LY96: variants seen among roughly 807,000 people sequenced by gnomAD.
LY96 encodes the protein lymphocyte antigen 96.
LY96 carries 18 observed loss-of-function variants against 18.9 expected under a neutral mutation model. The ratio of observed to expected loss-of-function variants is 0.95; its 90% CI spans 0.66 to 1.41. LY96 has a LOEUF of 1.41. LY96 is among the 40% of genes most tolerant of loss of function. LY96 has a pLI of 0.00. For synonymous variants in LY96, 66 were observed against 62.6 expected (o/e 1.06, Z -0.26); for missense variants, 175 against 182.4 (o/e 0.96, Z 0.23).
chr8:74,070,098 C>CTTT, the LY96 span, among the ~76,000 whole-genome samples: 160 of 145,804 alleles, frequency 1.1e-3, no homozygotes, highest in African/African-American at 3.6e-3. Context: ...AATTTTCTTT[C>CTTT]TTTTTTTTTT....
chr8:74,051,655 C>T, the LY96 span, among the ~76,000 whole-genome samples: 1 of 152,140 alleles, frequency 6.6e-6, no homozygotes, highest in African/African-American at 2.4e-5. Flanking sequence ...GAGGGTGGAG[C>T]CTTTATGAAT....
intron 3 of LY96, among the ~76,000 whole-genome samples, chr8:74,011,134 G>A (rs983718527): frequency 1.3e-5 from 2 of 152,124 alleles, no homozygotes; most frequent in Non-Finnish European, 2.9e-5. Flanking sequence ...TTGAATGGTA[G>A]GATCTCCTTC....
At chr8:74,080,996 T>C in the LY96 span, among the ~76,000 whole-genome samples, 27 of 103,744 alleles carry the variant, frequency 2.6e-4, no homozygotes, top group Admixed American at 1.6e-3. Flanking sequence ...CTTTCTTTCT[T>C]TCTTTCTTTC....
At chr8:74,088,719 G>T in the LY96 span, among the ~76,000 whole-genome samples, 1 of 152,148 alleles carries the variant, frequency 6.6e-6, no homozygotes, top group Admixed American at 6.5e-5. Flanking sequence ...CCAAGTAGCT[G>T]GGATTACAGG....
At chr8:74,081,122 T>TTTCTTTCTTTCTTTCC in the LY96 span, among the ~76,000 whole-genome samples, 332 of 124,252 alleles carry the variant, frequency 2.7e-3, 15 homozygotes, top group Admixed American at 0.014. Flanking sequence ...TCTTTCTTTC[T>TTTCTTTCTTTCTTTCC]TTCCTTCCTT....
the LY96 span, among the ~76,000 whole-genome samples, chr8:74,060,785 T>C: frequency 6.6e-6 from 1 of 152,226 alleles, no homozygotes; most frequent in Non-Finnish European, 1.5e-5. Flanking sequence ...CCTAGGAGAT[T>C]ATGTTTCCTC....
At chr8:73,998,906 T>C (rs567042618) in intron 1 of LY96, among the ~76,000 whole-genome samples, 1 of 152,342 alleles carries the variant, frequency 6.6e-6, no homozygotes, top group African/African-American at 2.4e-5. Flanking sequence ...GTGAAGTTTA[T>C]TGTATTCCTC....
the LY96 span, among the ~76,000 whole-genome samples, chr8:74,096,115 G>A: frequency 5.3e-5 from 8 of 152,090 alleles, no homozygotes; most frequent in Non-Finnish European, 7.4e-5. Context: ...CTGGAATCTC[G>A]TTACCACTTC....
chr8:74,024,490 G>A (rs1816828258), intron 3 of LY96, among the ~76,000 whole-genome samples: 4 of 151,980 alleles, frequency 2.6e-5, no homozygotes, highest in Admixed American at 2.0e-4. Flanking sequence ...AACATTTAAT[G>A]GTAATAATAT....
chr8:74,042,845 C>T, the LY96 span, among the ~76,000 whole-genome samples: 1 of 151,090 alleles, frequency 6.6e-6, no homozygotes, highest in Admixed American at 6.6e-5. Context: ...GGCGTGAGCT[C>T]ATCTCACTGC....
At chr8:74,034,514 A>C in the LY96 span, among the ~76,000 whole-genome samples, 1 of 152,174 alleles carries the variant, frequency 6.6e-6, no homozygotes, top group Non-Finnish European at 1.5e-5. Context: ...AATTCTCTAA[A>C]GAGTGCCAGG....
the LY96 span, among the ~76,000 whole-genome samples, chr8:74,089,624 A>G: frequency 6.6e-6 from 1 of 152,214 alleles, no homozygotes; most frequent in Non-Finnish European, 1.5e-5. Flanking sequence ...TGGAGATTCC[A>G]AAGTTAACAA....
chr8:74,065,629 C>T, the LY96 span, among the ~76,000 whole-genome samples: 1 of 152,178 alleles, frequency 6.6e-6, no homozygotes, highest in Non-Finnish European at 1.5e-5. Flanking sequence ...TGACCTGGCT[C>T]TGTAACTTCT....
chr8:74,083,716 G>A, the LY96 span, among the ~76,000 whole-genome samples: 1 of 151,918 alleles, frequency 6.6e-6, no homozygotes, highest in Non-Finnish European at 1.5e-5. Flanking sequence ...TTTGAGACAA[G>A]GTCTTGCTGT....
the LY96 span, among the ~76,000 whole-genome samples, chr8:74,060,035 G>A: frequency 5.3e-5 from 8 of 152,084 alleles, no homozygotes; most frequent in Admixed American, 3.3e-4. Flanking sequence ...GCTACTCAGG[G>A]GGCTGAGGTG....
At chr8:74,089,302 T>C in the LY96 span, among the ~76,000 whole-genome samples, 1 of 152,100 alleles carries the variant, frequency 6.6e-6, no homozygotes, top group East Asian at 1.9e-4. Flanking sequence ...GCTACATAAT[T>C]TGTGGGAGGC....
At position 73,992,838 on chromosome 8, in the gene LY96, G is replaced by GTA. The variant is rs201617385; in HGVS notation, c.112+1285_112+1286insAT. ...TGTACCATGTGCTAATTATGCCACT[G>GTA]TGTGTGTGTGTGTGTGTGTGTGTGT... On this transcript the variant is annotated intron_variant, in intron 1 of 4. Transcript: ENST00000284818. 1.0e-2 allele frequency among the ~76,000 whole-genome samples: 591 copies of GTA among 59,168 alleles called. 4 individuals are homozygous for GTA. Among genetic ancestry groups the GTA allele is most frequent in the African/African-American group, 8.3e-3 (132 of 15,934 alleles). The allele number at this position is 59,168 out of a possible 152,430, so 38.8% of individuals were successfully genotyped here.
the LY96 span, among the ~76,000 whole-genome samples, chr8:74,093,733 T>C: frequency 6.6e-6 from 1 of 152,232 alleles, no homozygotes; most frequent in Admixed American, 6.5e-5. Context: ...AGATTCTTTA[T>C]ATATGCCTCT....
chr8:74,017,006 C>T (rs976280748), intron 3 of LY96, among the ~76,000 whole-genome samples: 3 of 152,194 alleles, frequency 2.0e-5, no homozygotes, highest in Admixed American at 1.3e-4. Flanking sequence ...TCCAAAGGAT[C>T]GCAGCTCCTC....
Sources: gnomAD v4.1 joint callset for allele counts (sites outside exome capture counted in the v4.1 genomes callset) on GRCh38, gnomAD v4.1.1 for gene constraint, MANE v1.5 for transcripts, NCBI Gene and HGNC (gene_info 2026-07-23, HGNC 2026-07-21) for gene names.